The following MACROD2 variants were observed in gnomAD, a reference collection of about 807,000 sequenced individuals.
The protein encoded by MACROD2 is mono-ADP ribosylhydrolase 2, also known as ADP-ribose glycohydrolase MACROD2.
A neutral mutation model predicts 70.4 loss-of-function variants in MACROD2; 36 were observed. That is an observed-to-expected ratio of 0.51 (90% CI 0.39 to 0.68). MACROD2 has a LOEUF of 0.68. MACROD2 is among the 30% of genes least tolerant of loss of function. MACROD2 has a pLI of 0.00. For synonymous variants in MACROD2, 172 were observed against 178.8 expected, an observed-to-expected ratio of 0.96 and a Z score of 0.30; for missense variants, 496 against 538.4, an observed-to-expected ratio of 0.92 and a Z score of 0.78.
chr20:15,297,029 C>G (rs1205028974), intron 6 of MACROD2, among the ~76,000 whole-genome samples: 2 of 152,154 alleles, frequency 1.3e-5, no homozygotes, highest in African/African-American at 4.8e-5. Context: ...TCTGCAAGCC[C>G]CATGGTCAGA....
At chr20:14,647,073 G>C (rs1471573749) in intron 4 of MACROD2, among the ~76,000 whole-genome samples, 1 of 152,058 alleles carries the variant, frequency 6.6e-6, no homozygotes, top group Non-Finnish European at 1.5e-5. Flanking sequence ...AAAGTAATCA[G>C]CATTTTCCCT....
chr20:14,783,984 A>G lies in MACROD2; in HGVS notation c.418+99025A>G, dbSNP rs1312097747. Among the ~76,000 whole-genome samples, 6 of 152,116 alleles carry G rather than the reference A, an allele frequency of 3.9e-5. No individual in the cohort carries two copies. In the East Asian group the frequency reaches 1.2e-3, roughly 29 times the overall value. On this transcript the variant is annotated intron_variant, in intron 5 of 17. Transcript: ENST00000684519. The stretch of plus-strand genomic sequence containing the variant: ...AAAGTAAATTCTTGAAGTCAGAGAA[A>G]GCTCTTAGGCAAAATAAATAAAATG...
chr20:15,541,262 C>T (rs1366363418), intron 8 of MACROD2, among the ~76,000 whole-genome samples: 2 of 152,076 alleles, frequency 1.3e-5, no homozygotes, highest in Non-Finnish European at 2.9e-5. Context: ...AAAGAGAGGC[C>T]TTGGGTACAC....
At chr20:14,999,833 A>G (rs1241051094) in intron 5 of MACROD2, among the ~76,000 whole-genome samples, 1 of 152,236 alleles carries the variant, frequency 6.6e-6, no homozygotes, top group Non-Finnish European at 1.5e-5. Context: ...AAAACACAAA[A>G]TAGCAATGCA....
intron 5 of MACROD2, among the ~76,000 whole-genome samples, chr20:14,931,653 C>T (rs1201101565): frequency 1.3e-5 from 2 of 151,746 alleles, no homozygotes; most frequent in Non-Finnish European, 2.9e-5. Flanking sequence ...AAATATCATC[C>T]CTCCCACATA....
intron 3 of MACROD2, among the ~76,000 whole-genome samples, chr20:14,312,151 C>A (rs1378556463): frequency 6.6e-6 from 1 of 152,086 alleles, no homozygotes; most frequent in African/African-American, 2.4e-5. Context: ...GGATTCTTAG[C>A]CTGCCTAGCC....
At chr20:15,877,221 C>T (rs2064688389) in intron 9 of MACROD2, among the ~76,000 whole-genome samples, 2 of 152,118 alleles carry the variant, frequency 1.3e-5, no homozygotes, top group Non-Finnish European at 2.9e-5. Context: ...GGGAGTCTCT[C>T]AGGCGTCTTC....
chr20:15,569,934 T>C (rs1254141366), intron 8 of MACROD2, among the ~76,000 whole-genome samples: 1 of 152,192 alleles, frequency 6.6e-6, no homozygotes, highest in Non-Finnish European at 1.5e-5. Flanking sequence ...TAGTGAATGA[T>C]ACTGCAATAA....
intron 3 of MACROD2, among the ~76,000 whole-genome samples, chr20:14,424,274 T>TC (rs1465090097): frequency 5.9e-5 from 9 of 152,214 alleles, no homozygotes; most frequent in African/African-American, 1.9e-4. Context: ...AATAATTGTA[T>TC]CCCCCTTTTT....
chr20:15,637,503 G>A (rs1222858659), intron 8 of MACROD2, among the ~76,000 whole-genome samples: 1 of 152,324 alleles, frequency 6.6e-6, no homozygotes, highest in East Asian at 1.9e-4. Flanking sequence ...TCCAGCCAAA[G>A]GGTTGTTTCA....
chr20:14,918,580 A>G (rs1301081911), intron 5 of MACROD2, among the ~76,000 whole-genome samples: 1 of 148,820 alleles, frequency 6.7e-6, no homozygotes, highest in Non-Finnish European at 1.5e-5. Flanking sequence ...CTGCAATCAT[A>G]TCACATTAGC....
At chr20:15,778,935 T>G (rs1036656794) in intron 8 of MACROD2, among the ~76,000 whole-genome samples, 1 of 152,124 alleles carries the variant, frequency 6.6e-6, no homozygotes, top group Non-Finnish European at 1.5e-5. Flanking sequence ...CTTTAAGTGC[T>G]GAGAATTCTA....
intron 6 of MACROD2, among the ~76,000 whole-genome samples, chr20:15,389,577 A>G (rs1208317550): frequency 6.6e-6 from 1 of 152,246 alleles, no homozygotes; most frequent in East Asian, 1.9e-4. Context: ...ATATGTTAAT[A>G]TTTTTAATAG....
chr20:14,907,675 T>A (rs1211267138), intron 5 of MACROD2, among the ~76,000 whole-genome samples: 1 of 152,130 alleles, frequency 6.6e-6, no homozygotes, highest in Non-Finnish European at 1.5e-5. Flanking sequence ...AGTTAGGATA[T>A]TGTGCAGAAT....
At chr20:15,420,083 T>C (rs1258193384) in intron 6 of MACROD2, among the ~76,000 whole-genome samples, 2 of 152,194 alleles carry the variant, frequency 1.3e-5, no homozygotes, top group Non-Finnish European at 2.9e-5. Context: ...TTCACATATG[T>C]ATGATTTACA....
chr20:15,704,266 A>G (rs1445416589), intron 8 of MACROD2, among the ~76,000 whole-genome samples: 5 of 152,184 alleles, frequency 3.3e-5, no homozygotes, highest in African/African-American at 1.2e-4. Context: ...TGCATCTTCC[A>G]TTGTTCTCCT....
chr20:15,143,628 A>G (rs1271178555), intron 5 of MACROD2, among the ~76,000 whole-genome samples: 2 of 151,938 alleles, frequency 1.3e-5, no homozygotes, highest in South Asian at 2.1e-4. Flanking sequence ...GTTAAGTACT[A>G]TTATGCTCTC....
At position 14,461,473 on chromosome 20, in the gene MACROD2, T is replaced by G. The variant is rs1402472393; in HGVS notation, c.272-32006T>G. ...TTATTTCTTGTCTTCTGCTAGATTT[T>G]GAATTTGTTTGCTGTTACTTCTCTA... On this transcript the variant is annotated intron_variant, in intron 3 of 17. Coordinates refer to ENST00000684519, the MANE Select transcript of MACROD2 (RefSeq NM_001351661.2). Among the ~76,000 whole-genome samples the G allele has an allele frequency of 3.9e-5, 6 of 152,108 alleles. No individual in the cohort carries two copies. The South Asian group carries it at 1.2e-3, about 31-fold the overall frequency.
chr20:15,222,405 G>A (rs1255158621), intron 5 of MACROD2, among the ~76,000 whole-genome samples: 1 of 152,192 alleles, frequency 6.6e-6, no homozygotes, highest in African/African-American at 2.4e-5. Flanking sequence ...CTATCAGGTG[G>A]TAATTCAATT....
Sources: allele counts gnomAD v4.1 joint callset (sites outside exome capture counted in the v4.1 genomes callset), GRCh38; gene constraint gnomAD v4.1.1; transcripts MANE v1.5; gene names NCBI Gene and HGNC (gene_info 2026-07-23, HGNC 2026-07-21).